The following VKORC1L1 variants were observed in gnomAD, a reference collection of about 807,000 sequenced individuals.
The protein encoded by VKORC1L1 is vitamin K epoxide reductase complex subunit 1-like protein 1.
A neutral mutation model predicts 18.9 loss-of-function variants in VKORC1L1; 2 were observed. That is an observed-to-expected ratio of 0.11 (90% CI 0.04 to 0.33). The LOEUF (loss-of-function observed/expected upper bound fraction) is 0.33, where lower values mean the gene tolerates loss of function less well. Among genes scored for constraint, VKORC1L1 ranks in the 10% least tolerant of loss-of-function variants. The pLI is 1.00. For missense variants in VKORC1L1, 123 were observed against 224.1 expected, an observed-to-expected ratio of 0.55 and a Z score of 2.88; for synonymous variants, 96 against 100.0, an observed-to-expected ratio of 0.96 and a Z score of 0.24.
chr7:65,945,590 C>A (rs534380388), intron 1 of VKORC1L1, among the ~76,000 whole-genome samples: 3 of 151,458 alleles, frequency 2.0e-5, no homozygotes, highest in African/African-American at 4.9e-5. Context: ...CCAGCCTGGG[C>A]GACACGAATG....
upstream of VKORC1L1, among the ~76,000 whole-genome samples, chr7:65,869,392 T>C (rs1788697867): frequency 6.6e-6 from 1 of 152,106 alleles, no homozygotes. Context: ...CACCTTGGAA[T>C]ATAGAATTTG....
At chr7:65,868,829 G>C (rs1788691809), upstream of VKORC1L1, among the ~76,000 whole-genome samples, 1 of 152,086 alleles carries the variant, frequency 6.6e-6, no homozygotes, top group Non-Finnish European at 1.5e-5. Context: ...AGGAGGGTGA[G>C]GGGTGAAAAT....
chr7:65,875,605 G>A (rs1035379779), intron 1 of VKORC1L1, among the ~76,000 whole-genome samples: 11 of 152,130 alleles, frequency 7.2e-5, no homozygotes, highest in Non-Finnish European at 1.5e-4. Flanking sequence ...TTTTGGTAGA[G>A]ACGGGGTTTC....
chr7:65,902,251 A>G (rs945482162), intron 1 of VKORC1L1, among the ~76,000 whole-genome samples: 10 of 152,250 alleles, frequency 6.6e-5, no homozygotes, highest in African/African-American at 2.4e-4. Flanking sequence ...AACAGCAATT[A>G]CAAATATGCT....
At chr7:65,951,319 T>C (rs57126451) in intron 2 of VKORC1L1, among the ~76,000 whole-genome samples, 18,905 of 152,234 alleles carry the variant, frequency 0.12, 1,330 homozygotes, top group Middle Eastern at 0.21. Context: ...CTCATGCCAA[T>C]AATTCCAGCA....
intron 1 of VKORC1L1, among the ~76,000 whole-genome samples, chr7:65,912,020 A>G (rs190729342): frequency 5.8e-4 from 89 of 152,300 alleles, no homozygotes; most frequent in African/African-American, 2.0e-3. Context: ...TATAATATCA[A>G]GGTAAAAGGG....
At chr7:65,940,082 C>T (rs1383228497) in intron 1 of VKORC1L1, among the ~76,000 whole-genome samples, 1 of 151,590 alleles carries the variant, frequency 6.6e-6, no homozygotes, top group Non-Finnish European at 1.5e-5. Context: ...CGGAATGGAG[C>T]GATGTGATCC....
At chr7:65,936,331 C>G (rs1384101627) in intron 1 of VKORC1L1, among the ~76,000 whole-genome samples, 1 of 152,092 alleles carries the variant, frequency 6.6e-6, no homozygotes, top group Non-Finnish European at 1.5e-5. Flanking sequence ...TAACATTCTT[C>G]TAGTTCTTTG....
At chr7:65,912,959 A>G (rs1789524531) in intron 1 of VKORC1L1, among the ~76,000 whole-genome samples, 1 of 152,148 alleles carries the variant, frequency 6.6e-6, no homozygotes, top group African/African-American at 2.4e-5. Flanking sequence ...CGGTCCGTGG[A>G]ACCCACTCTG....
chr7:65,899,071 C>A (rs1299123689), intron 1 of VKORC1L1, among the ~76,000 whole-genome samples: 2 of 152,228 alleles, frequency 1.3e-5, no homozygotes, highest in Non-Finnish European at 1.5e-5. Context: ...TGATTAATTA[C>A]ATGGTAAAAA....
At chr7:65,924,570 T>C (rs920842753) in intron 1 of VKORC1L1, among the ~76,000 whole-genome samples, 28 of 152,216 alleles carry the variant, frequency 1.8e-4, no homozygotes, top group African/African-American at 6.0e-4. Flanking sequence ...CTGATTAAAC[T>C]TTATTTACAA....
At chr7:65,949,485 A>G (rs1230622888) in intron 2 of VKORC1L1, among the ~76,000 whole-genome samples, 1 of 147,404 alleles carries the variant, frequency 6.8e-6, no homozygotes, top group Non-Finnish European at 1.5e-5. Context: ...GTCTCACAAA[A>G]AAGAAATAAA....
intron 1 of VKORC1L1, among the ~76,000 whole-genome samples, chr7:65,931,212 C>G (rs1312634415): frequency 6.7e-6 from 1 of 150,034 alleles, no homozygotes; most frequent in African/African-American, 2.5e-5. Flanking sequence ...TCTTTTAATG[C>G]TTTTATATGG....
At chr7:65,865,864 A>G in the VKORC1L1 span, among the ~76,000 whole-genome samples, 1 of 151,920 alleles carries the variant, frequency 6.6e-6, no homozygotes, top group Non-Finnish European at 1.5e-5. Context: ...GCTCACGCCT[A>G]TAATCCCAGC....
upstream of VKORC1L1, among the ~76,000 whole-genome samples, chr7:65,872,509 G>A (rs929503936): frequency 6.6e-6 from 1 of 151,976 alleles, no homozygotes; most frequent in African/African-American, 2.4e-5. Flanking sequence ...TGTATTTTTA[G>A]TAGAGACGCG....
At chr7:65,899,617 G>A (rs968971223) in intron 1 of VKORC1L1, among the ~76,000 whole-genome samples, 56 of 152,270 alleles carry the variant, frequency 3.7e-4, no homozygotes, top group African/African-American at 1.3e-3. Flanking sequence ...GCTCTAGGTG[G>A]AAGGTATGTG....
Position 65,873,248 on chromosome 7 carries a change from CGGCGGCGGTGGTGGCGGCGGCGGCGGA to C in VKORC1L1, c.-112_-86del, listed in dbSNP as rs1255770348. 23 of 974,332 alleles carry C rather than the reference CGGCGGCGGTGGTGGCGGCGGCGGCGGA, an allele frequency of 2.4e-5. No homozygotes were observed. In the East Asian group the frequency reaches 4.5e-4, roughly 19 times the overall value. 60.4% of individuals were successfully genotyped at this position (974,332 alleles called of 1,614,324 possible). A position where few individuals can be genotyped will look rare whatever the true frequency, so the allele number is the denominator to read the frequency against. ...CCGAGCCAATGGGGCGCGGCGGCGG[CGGCGGCGGTGGTGGCGGCGGCGGCGGA>C]GGCGGCGGTGGCGGCGGTGGCGGCT... On this transcript the variant is annotated 5_prime_UTR_variant, in exon 1 of 3. Transcript: ENST00000360768.
At chr7:65,915,558 G>C (rs1205878608) in intron 1 of VKORC1L1, among the ~76,000 whole-genome samples, 1 of 151,772 alleles carries the variant, frequency 6.6e-6, no homozygotes, top group African/African-American at 2.4e-5. Context: ...CTACAGGCGT[G>C]CCCAGCCTGA....
intron 1 of VKORC1L1, among the ~76,000 whole-genome samples, chr7:65,917,681 T>A (rs73142170): frequency 0.036 from 5,512 of 152,342 alleles, 154 homozygotes; most frequent in Non-Finnish European, 0.06. Context: ...ACTTGCATTT[T>A]TATTTGCTAT....
Sources: gnomAD v4.1 joint callset for allele counts (sites outside exome capture counted in the v4.1 genomes callset) on GRCh38, gnomAD v4.1.1 for gene constraint, MANE v1.5 for transcripts, NCBI Gene and HGNC (gene_info 2026-07-23, HGNC 2026-07-21) for gene names.